Variants in SCUBE2 observed in about 807,000 individuals in gnomAD.
SCUBE2 encodes signal peptide, CUB and EGF-like domain-containing protein 2.
A neutral mutation model predicts 125.9 loss-of-function variants in SCUBE2; 114 were observed. The observed-to-expected ratio is 0.91, with a 90% CI of 0.78 to 1.06. SCUBE2 has a LOEUF of 1.06. SCUBE2 is among the 50% of genes least tolerant of loss of function. The pLI is 0.00. For synonymous variants in SCUBE2, 459 were observed against 492.9 expected, an observed-to-expected ratio of 0.93 and a Z score of 0.91; for missense variants, 1,255 against 1,301.8, an observed-to-expected ratio of 0.96 and a Z score of 0.55.
At chr11:9,066,641 G>A (rs1203953967) in intron 6 of SCUBE2, 56 bp downstream of exon 6, 9 of 1,369,148 alleles carry the variant, frequency 6.6e-6, no homozygotes, top group Non-Finnish European at 7.3e-6. Flanking sequence ...AAGGGGTAGG[G>A]GTAGGGACAG....
intron 16 of SCUBE2, among the ~76,000 whole-genome samples, chr11:9,039,423 C>T (rs189143593): frequency 2.6e-5 from 4 of 152,240 alleles, no homozygotes; most frequent in South Asian, 2.1e-4. Context: ...CTGGGTGAGG[C>T]GAGGTGCCCC....
chr11:9,068,107 TG>T (rs1370729166), intron 5 of SCUBE2, among the ~76,000 whole-genome samples: 1 of 152,100 alleles, frequency 6.6e-6, no homozygotes, highest in Non-Finnish European at 1.5e-5. Context: ...AGCTTTGGGG[TG>T]GCAGTCTGCT....
At chr11:9,090,488 T>A (rs372411596) in intron 1 of SCUBE2, 4 of 59,576 alleles carry the variant, frequency 6.7e-5, no homozygotes, top group African/African-American at 1.3e-4. Flanking sequence ...TTTATTTATT[T>A]ATTTTTTTTT....
At chr11:9,059,504 G>A in intron 8 of SCUBE2, 79 bp from the exon 9 acceptor site, 1 of 1,475,426 alleles carries the variant, frequency 6.8e-7, no homozygotes, top group Non-Finnish European at 9.2e-7. Context: ...GCCATTGTGT[G>A]TGTTCATTAG....
intron 17 of SCUBE2, among the ~76,000 whole-genome samples, chr11:9,031,569 A>G (rs1233173651): frequency 6.6e-6 from 1 of 152,132 alleles, no homozygotes; most frequent in Admixed American, 6.5e-5. Flanking sequence ...TCCAGGCTGC[A>G]GTGAGCCATA....
At chr11:9,071,599 C>T (rs1187655384) in intron 4 of SCUBE2, among the ~76,000 whole-genome samples, 1 of 152,316 alleles carries the variant, frequency 6.6e-6, no homozygotes, top group East Asian at 1.9e-4. Flanking sequence ...CTGGTTGTCA[C>T]GTCCAGGATG....
chr11:9,040,488 G>A (rs1267141168), intron 16 of SCUBE2, among the ~76,000 whole-genome samples: 3 of 149,134 alleles, frequency 2.0e-5, no homozygotes, highest in African/African-American at 4.9e-5. Context: ...GATGGGGAGG[G>A]TACACAGCGT....
At chr11:9,034,667 C>T (rs903235864) in intron 16 of SCUBE2, among the ~76,000 whole-genome samples, 1 of 152,112 alleles carries the variant, frequency 6.6e-6, no homozygotes, top group African/African-American at 2.4e-5. Flanking sequence ...TACAAAATAG[C>T]ACACTTCAGG....
intron 3 of SCUBE2, among the ~76,000 whole-genome samples, chr11:9,078,290 G>A (rs151330792): frequency 4.2e-4 from 64 of 152,312 alleles, no homozygotes; most frequent in African/African-American, 1.5e-3. Context: ...CTGCAGGCTT[G>A]GAAAGCCACG....
rs189842822 is a variant in SCUBE2, at chr11:9,068,025, C to T, written c.644-1212G>A. On this transcript the variant is annotated intron_variant, in intron 5 of 22. Coordinates refer to ENST00000649792, the MANE Select transcript of SCUBE2 (RefSeq NM_001367977.2). Reference sequence around the variant, plus strand: ...CTGGAAGCCCTCAGGGACAGCCTGACTTCGAGGGGCCCTAAGAGCATGTCA... The same window carrying T: ...CTGGAAGCCCTCAGGGACAGCCTGATTTCGAGGGGCCCTAAGAGCATGTCA... 9.9e-4 allele frequency among the ~76,000 whole-genome samples: 150 copies of T among 152,236 alleles called. 3 individuals carry two copies. The East Asian group carries it at 0.024, about 24-fold the overall frequency.
chr11:9,082,005 A>G (rs1240880582), intron 2 of SCUBE2, among the ~76,000 whole-genome samples: 1 of 152,084 alleles, frequency 6.6e-6, no homozygotes, highest in Non-Finnish European at 1.5e-5. Flanking sequence ...ATTATTTTCT[A>G]TTTTTTTGAT....
In SCUBE2 at chr11:9,025,865, A is replaced by C; in HGVS notation, c.2702-11T>G. The stretch of plus-strand genomic sequence containing the variant: ...CAGAATTGGATGAAGCTGCCAAGGG[A>C]AGTTGGAGAAGGGTGGGGTTCAAGA... On this transcript the variant is annotated splice_polypyrimidine_tract_variant and intron_variant, in intron 20 of 22. Transcript: ENST00000649792. 1 of 1,612,658 alleles carries C rather than the reference A, an allele frequency of 6.2e-7. No individual in the cohort carries two copies. The highest frequency in any genetic ancestry group is 1.1e-5 in the South Asian group (1 of 90,778).
rs551763995 is a variant in SCUBE2, at chr11:9,091,329, G to A, written c.133+67C>T. 13 of 1,152,282 alleles carry A rather than the reference G, an allele frequency of 1.1e-5. No individual in the cohort carries two copies. In the South Asian group the frequency reaches 2.5e-4, roughly 22 times the overall value. 71.4% of individuals were successfully genotyped at this position (1,152,282 alleles called of 1,614,324 possible). A position where few individuals can be genotyped will look rare whatever the true frequency, so the allele number is the denominator to read the frequency against. Reference sequence around the variant, plus strand: ...CGCGCGCCCGGCTCTGGACTCCGCCGGGGACCTAAACACTCTTCCTGGCCC... The same window carrying A: ...CGCGCGCCCGGCTCTGGACTCCGCCAGGGACCTAAACACTCTTCCTGGCCC... On this transcript the variant is annotated intron_variant, in intron 1 of 22. Transcript: ENST00000649792. This position sits in a 1 kb window ranked among gnomAD's most constrained non-coding sequence, Gnocchi z 8.5.
rs1327401081 is a variant in SCUBE2, at chr11:9,080,695, T to C, written c.257-1186A>G. Among the ~76,000 whole-genome samples the C allele has an allele frequency of 8.6e-5, 13 of 150,404 alleles. 1 individual carries two copies. Among genetic ancestry groups the C allele is most frequent in the Admixed American group, 8.6e-4 (13 of 15,080 alleles). ...AGAGAAAAATCTTTAAGACATTGGA[T>C]GAGGTTAAAATTTCTTTGATATAAT... On this transcript the variant is annotated intron_variant, in intron 2 of 22. Coordinates refer to ENST00000649792, the MANE Select transcript of SCUBE2 (RefSeq NM_001367977.2).
intron 18 of SCUBE2, 98 bp from the exon 19 acceptor site, chr11:9,030,143 T>C (rs1387848286): frequency 2.9e-6 from 4 of 1,389,540 alleles, no homozygotes; most frequent in South Asian, 1.4e-5. Flanking sequence ...GAAATGTTTA[T>C]GTGCAAATGA....
intron 2 of SCUBE2, among the ~76,000 whole-genome samples, chr11:9,081,736 C>T (rs966046827): frequency 5.3e-5 from 8 of 152,138 alleles, no homozygotes; most frequent in East Asian, 1.9e-4. Context: ...ACTCATCTGT[C>T]GATGGACACT....
At chr11:9,067,295 A>G (rs1462827466) in intron 5 of SCUBE2, among the ~76,000 whole-genome samples, 2 of 152,240 alleles carry the variant, frequency 1.3e-5, no homozygotes, top group Non-Finnish European at 2.9e-5. Context: ...GGATAATCAC[A>G]GGATGATTCT....
intron 4 of SCUBE2, among the ~76,000 whole-genome samples, chr11:9,070,938 C>A (rs913538876): frequency 3.3e-5 from 5 of 152,192 alleles, no homozygotes; most frequent in African/African-American, 1.2e-4. Flanking sequence ...TTCATCCATG[C>A]CAAGGGTGGC....
intron 8 of SCUBE2, 97 bp downstream of exon 8, chr11:9,060,311 G>T: frequency 1.2e-6 from 1 of 861,932 alleles, no homozygotes. Context: ...AGTCACGTGG[G>T]GTATGGAGGG....
Sources: gnomAD v4.1 joint callset for allele counts (sites outside exome capture counted in the v4.1 genomes callset) on GRCh38, gnomAD v4.1.1 for gene constraint, Gnocchi (gnomAD v3.1) non-coding constraint, MANE v1.5 for transcripts, NCBI Gene and HGNC (gene_info 2026-07-23, HGNC 2026-07-21) for gene names.